PIK3CA: variants seen among roughly 807,000 people sequenced by gnomAD.
The protein encoded by PIK3CA is phosphatidylinositol-4,5-bisphosphate 3-kinase catalytic subunit alpha.
A neutral mutation model predicts 138.2 loss-of-function variants in PIK3CA; 27 were observed. That is an observed-to-expected ratio of 0.20 (90% confidence interval 0.14 to 0.27). The LOEUF (loss-of-function observed/expected upper bound fraction) is 0.27, where lower values mean the gene tolerates loss of function less well. PIK3CA is among the 10% of genes least tolerant of loss of function. The pLI, the probability that PIK3CA is intolerant of heterozygous loss-of-function variation, is 1.00. For synonymous variants in PIK3CA, 358 were observed against 413.2 expected (o/e 0.87, Z 1.62); for missense variants, 544 against 1,277.4 (o/e 0.43, Z 8.75).
At chr3:179,215,084 C>T (rs1326801994) in intron 9 of PIK3CA, among the ~76,000 whole-genome samples, 4 of 152,152 alleles carry the variant, frequency 2.6e-5, no homozygotes, top group African/African-American at 9.7e-5. Flanking sequence ...AAGTCCAAAA[C>T]ACCCCTATCC....
At chr3:179,195,741 C>G (rs1222403677) in intron 1 of PIK3CA, among the ~76,000 whole-genome samples, 2 of 152,194 alleles carry the variant, frequency 1.3e-5, no homozygotes, top group African/African-American at 4.8e-5. Flanking sequence ...GACTTCACTT[C>G]TGATCTTCAG....
chr3:179,194,438 CG>C (rs1161825808), intron 1 of PIK3CA, among the ~76,000 whole-genome samples: 1 of 152,036 alleles, frequency 6.6e-6, no homozygotes, highest in African/African-American at 2.4e-5. Context: ...AGGCTGGTCT[CG>C]AACTCCTCAG....
intron 1 of PIK3CA, among the ~76,000 whole-genome samples, chr3:179,174,146 ATAT>A (rs1723635883): frequency 6.6e-6 from 1 of 152,160 alleles, no homozygotes; most frequent in Non-Finnish European, 1.5e-5. Context: ...TAATACATGC[ATAT>A]TATTTTCAAA....
rs1724405220 is a variant in PIK3CA, at chr3:179,201,371, G to A, written c.644G>A (p.Cys215Tyr). The part of the protein sequence containing the change: ...QKYTLKINHD[C>Y]VPEQVIAEAI... ...TATACTCTGAAAATCAACCATGACT[G>A]TGTACCAGAACAAGTAATTGCTGAA... The change falls in exon 4 of 21, where the codon TGT becomes TAT. Residue 215 changes from cysteine to tyrosine, a missense_variant. This residue lies in a region of PIK3CA where 234 missense variants were observed against 401.3 expected (regional missense o/e 0.58). Transcript: ENST00000263967. 1.2e-6 allele frequency: 2 copies of A among 1,613,424 alleles called. No homozygotes were observed. The highest frequency in any genetic ancestry group is 1.3e-5 in the African/African-American group (1 of 74,850).
At position 179,199,796 on chromosome 3, in the gene PIK3CA, T is replaced by C. The variant is rs1724363526; in HGVS notation, c.459T>C (p.Leu153=). The C allele has an allele frequency of 6.2e-7, 1 of 1,612,530 alleles. No homozygotes were observed. Among genetic ancestry groups the C allele is most frequent in the Admixed American group, 1.7e-5 (1 of 60,006 alleles). Residue 153 remains leucine, a synonymous_variant, in exon 3 of 21, where the codon CTT becomes CTC. Transcript: ENST00000263967. ...ILNVCKEAVD[L]RDLNSPHSRA... Reference sequence around the variant, plus strand: ...ACGTTTGTAAAGAAGCTGTGGATCTTAGGGACCTCAATTCACCTCATAGTA... The same window carrying C: ...ACGTTTGTAAAGAAGCTGTGGATCTCAGGGACCTCAATTCACCTCATAGTA...
At position 179,239,789 on chromosome 3, in the gene PIK3CA, T is replaced by C. The variant is rs1230804993; in HGVS notation, c.*5425T>C. 4 of 421,060 alleles carry C rather than the reference T, an allele frequency of 9.5e-6. No individual in the cohort carries two copies. Among genetic ancestry groups the C allele is most frequent in the Non-Finnish European group, 1.7e-5 (4 of 236,356 alleles). 26.1% of individuals were successfully genotyped at this position (421,060 alleles called of 1,614,324 possible). On this transcript the variant is annotated 3_prime_UTR_variant, in exon 21 of 21. Coordinates refer to ENST00000263967, the MANE Select transcript of PIK3CA (RefSeq NM_006218.4). ...AAGTTTATTTCTCTATATTTTGTCATTCAGTGAATTGAAGTCCTGTGGTAT... is the reference window on the plus strand; with the variant it reads ...AAGTTTATTTCTCTATATTTTGTCACTCAGTGAATTGAAGTCCTGTGGTAT...
At chr3:179,201,215 T>C in intron 3 of PIK3CA, 75 bp from the exon 4 acceptor site, 1 of 1,218,630 alleles carries the variant, frequency 8.2e-7, no homozygotes, top group Non-Finnish European at 1.2e-6. Flanking sequence ...GTAATGATAG[T>C]GAATACTTGT....
At chr3:179,214,700 T>A (rs1428359046) in intron 9 of PIK3CA, among the ~76,000 whole-genome samples, 1 of 152,088 alleles carries the variant, frequency 6.6e-6, no homozygotes, top group Non-Finnish European at 1.5e-5. Context: ...CTTCAGTTTG[T>A]TGGAAATGCA....
chr3:179,223,276 C>T (rs374515676), intron 14 of PIK3CA, among the ~76,000 whole-genome samples: 2 of 152,228 alleles, frequency 1.3e-5, no homozygotes, highest in African/African-American at 4.8e-5. Flanking sequence ...TATTATAATT[C>T]CTAGCTCCTA....
In PIK3CA at chr3:179,218,386, A is replaced by G. The variant is rs762963212; in HGVS notation, c.1664+52A>G. On this transcript the variant is annotated intron_variant, in intron 10 of 20. Coordinates refer to ENST00000263967, the MANE Select transcript of PIK3CA (RefSeq NM_006218.4). ...TTTCTTTTTCTTTATTACAGAAAAAATAACTGAATTTGGCTGATCTCAGCA... is the reference window on the plus strand; with the variant it reads ...TTTCTTTTTCTTTATTACAGAAAAAGTAACTGAATTTGGCTGATCTCAGCA... 10 of 1,495,918 alleles carry G rather than the reference A, an allele frequency of 6.7e-6. No individual in the cohort carries two copies. The South Asian group carries it at 1.2e-4, about 17-fold the overall frequency. The allele number at this position is 1,495,918 out of a possible 1,614,324, so 92.7% of individuals were successfully genotyped here.
intron 1 of PIK3CA, among the ~76,000 whole-genome samples, chr3:179,188,867 T>C (rs753874264): frequency 3.3e-5 from 5 of 152,212 alleles, no homozygotes; most frequent in Admixed American, 6.5e-5. Flanking sequence ...TTTGAGCTTA[T>C]ATTTTAAGAA....
Position 179,234,448 on chromosome 3 carries a change from A to T in PIK3CA, c.*84A>T, listed in dbSNP as rs1002222091. The T allele has an allele frequency of 9.0e-7, 1 of 1,106,388 alleles. No homozygotes were observed. The allele number at this position is 1,106,388 out of a possible 1,614,324, so 68.5% of individuals were successfully genotyped here. A position where few individuals can be genotyped will look rare whatever the true frequency, so the allele number is the denominator to read the frequency against. On this transcript the variant is annotated 3_prime_UTR_variant, in exon 21 of 21. Transcript: ENST00000263967. This position sits in a 1 kb window ranked among gnomAD's most constrained non-coding sequence, Gnocchi z 5.1. ...CTCAGCAGGCAAAGACCGATTGCATAGGAATTGCACAATCCATGAACAGCA... is the reference window on the plus strand; with the variant it reads ...CTCAGCAGGCAAAGACCGATTGCATTGGAATTGCACAATCCATGAACAGCA...
intron 1 of PIK3CA, among the ~76,000 whole-genome samples, chr3:179,197,342 T>C (rs184631431): frequency 2.0e-5 from 3 of 152,322 alleles, no homozygotes; most frequent in East Asian, 1.9e-4. Context: ...CAGCCACTTA[T>C]CTTTAAAGGA....
intron 14 of PIK3CA, 34 bp downstream of exon 14, chr3:179,221,191 T>C (rs1724958536): frequency 6.6e-7 from 1 of 1,525,052 alleles, no homozygotes; most frequent in East Asian, 2.3e-5. Flanking sequence ...GAGACTCTTT[T>C]CACTGCAGTG....
At chr3:179,213,406 C>A (rs961354792) in intron 9 of PIK3CA, among the ~76,000 whole-genome samples, 1 of 152,178 alleles carries the variant, frequency 6.6e-6, no homozygotes, top group Non-Finnish European at 1.5e-5. Context: ...AAATATTGCT[C>A]AAAAATGCTG....
chr3:179,152,245 CAT>C (rs1393835114), intron 1 of PIK3CA, among the ~76,000 whole-genome samples: 2 of 152,150 alleles, frequency 1.3e-5, no homozygotes, highest in African/African-American at 4.8e-5. Flanking sequence ...CCACCTCAGA[CAT>C]ATACACACAC....
chr3:179,209,075 TATG>T (rs1295254190), intron 6 of PIK3CA, among the ~76,000 whole-genome samples: 2 of 149,742 alleles, frequency 1.3e-5, no homozygotes, highest in East Asian at 3.9e-4. Context: ...TTTAGTGACG[TATG>T]TAGCACACAT....
rs116250174 is a variant in PIK3CA, at chr3:179,227,397, T to G, written c.2495+1357T>G. The stretch of plus-strand genomic sequence containing the variant: ...GATAAAAACATAAAATAAGAAAGAA[T>G]GAGCAGGAGTACAACCTTAAGATAT... On this transcript the variant is annotated intron_variant, in intron 17 of 20. Coordinates refer to ENST00000263967, the MANE Select transcript of PIK3CA (RefSeq NM_006218.4). Among the ~76,000 whole-genome samples, 1,146 of 152,042 alleles carry G rather than the reference T, an allele frequency of 7.5e-3. 16 individuals are homozygous for G. Among genetic ancestry groups the G allele is most frequent in the African/African-American group, 0.026 (1,064 of 41,496 alleles).
At chr3:179,214,475 C>T (rs371076983) in intron 9 of PIK3CA, among the ~76,000 whole-genome samples, 37 of 152,206 alleles carry the variant, frequency 2.4e-4, no homozygotes, top group African/African-American at 8.2e-4. Context: ...CGAATAAGTT[C>T]ACCATCTTAA....
Sources: gnomAD v4.1 joint callset for allele counts (sites outside exome capture counted in the v4.1 genomes callset) on GRCh38, gnomAD v4.1.1 for gene constraint, gnomAD v4.1.1 regional missense constraint, Gnocchi (gnomAD v3.1) non-coding constraint, MANE v1.5 for transcripts, NCBI Gene and HGNC (gene_info 2026-07-23, HGNC 2026-07-21) for gene names.